COX7B2: variants seen among roughly 807,000 people sequenced by gnomAD.
COX7B2 encodes the protein cytochrome c oxidase subunit 7B2, also known as cytochrome c oxidase subunit 7B2, mitochondrial.
For missense variants in COX7B2, 109 were observed against 95.9 expected (o/e 1.14, Z -0.57); for synonymous variants, 37 against 32.1 (o/e 1.15, Z -0.51).
intron 2 of COX7B2, among the ~76,000 whole-genome samples, chr4:46,796,103 G>GCTATAA (rs1718322321): frequency 9.7e-6 from 1 of 102,906 alleles, no homozygotes; most frequent in African/African-American, 4.3e-5. Context: ...ATTTTGGGCT[G>GCTATAA]AGACGATGGG....
chr4:46,777,650 T>C (rs1717230968), intron 2 of COX7B2, among the ~76,000 whole-genome samples: 1 of 152,118 alleles, frequency 6.6e-6, no homozygotes, highest in African/African-American at 2.4e-5. Context: ...AGGTATGTAG[T>C]TATGAAGGCT....
intron 2 of COX7B2, among the ~76,000 whole-genome samples, chr4:46,840,795 G>T (rs888705609): frequency 6.6e-6 from 1 of 152,020 alleles, no homozygotes; most frequent in Non-Finnish European, 1.5e-5. Context: ...AAGGCCTTTA[G>T]TGGCCCACTG....
intron 2 of COX7B2, among the ~76,000 whole-genome samples, chr4:46,816,619 T>C (rs1719567085): frequency 1.3e-5 from 2 of 152,222 alleles, no homozygotes; most frequent in South Asian, 4.1e-4. Context: ...GGACCTCAAA[T>C]GAATGCTGAA....
intron 1 of COX7B2, among the ~76,000 whole-genome samples, chr4:46,902,061 A>G (rs1577717490): frequency 6.6e-6 from 1 of 152,152 alleles, no homozygotes; most frequent in African/African-American, 2.4e-5. Context: ...ATATCCTATT[A>G]GCTTTGTTTC....
intron 1 of COX7B2, among the ~76,000 whole-genome samples, chr4:46,877,074 G>T (rs1718388234): frequency 6.6e-6 from 1 of 152,168 alleles, no homozygotes; most frequent in Non-Finnish European, 1.5e-5. Flanking sequence ...TTCAGTTCTA[G>T]TATGACAGAT....
At chr4:46,797,886 C>T (rs1465295877) in intron 2 of COX7B2, among the ~76,000 whole-genome samples, 2 of 152,096 alleles carry the variant, frequency 1.3e-5, no homozygotes, top group African/African-American at 2.4e-5. Context: ...TTCTCAATAT[C>T]CATTAGTAAA....
At chr4:46,788,218 A>G (rs1717853099) in intron 2 of COX7B2, among the ~76,000 whole-genome samples, 1 of 152,226 alleles carries the variant, frequency 6.6e-6, no homozygotes, top group African/African-American at 2.4e-5. Flanking sequence ...GGTCATTTAT[A>G]TTCAGTCCCA....
At chr4:46,803,594 A>C (rs543377764) in intron 2 of COX7B2, among the ~76,000 whole-genome samples, 1 of 152,044 alleles carries the variant, frequency 6.6e-6, no homozygotes, top group African/African-American at 2.4e-5. Context: ...TTTCCCTCCA[A>C]AAGTGTTTAG....
chr4:46,859,428 G>A (rs1342780436), intron 1 of COX7B2, among the ~76,000 whole-genome samples: 2 of 152,150 alleles, frequency 1.3e-5, no homozygotes, highest in Non-Finnish European at 2.9e-5. Flanking sequence ...TGATCTTGAT[G>A]AAGGAGCTTT....
intron 2 of COX7B2, among the ~76,000 whole-genome samples, chr4:46,787,294 A>T (rs1717799623): frequency 6.6e-6 from 1 of 152,072 alleles, no homozygotes; most frequent in Non-Finnish European, 1.5e-5. Flanking sequence ...CTAAAAATAC[A>T]AAGTTAGCCA....
chr4:46,902,815 T>G (rs1327335226), intron 1 of COX7B2, among the ~76,000 whole-genome samples: 1 of 152,122 alleles, frequency 6.6e-6, no homozygotes, highest in Non-Finnish European at 1.5e-5. Context: ...AGGCAGAGGT[T>G]GCAGTGAGCC....
rs60478912 is a variant in COX7B2, at chr4:46,748,175, G to C, written c.-49-12934C>G. On this transcript the variant is annotated intron_variant, in intron 2 of 2. Transcript: ENST00000355591. Reference sequence around the variant, plus strand: ...CTTCATAAGCACATGCTTCATCCAGGACCAGACTTAAGGTAGATTTATGAA... The same window carrying C: ...CTTCATAAGCACATGCTTCATCCAGCACCAGACTTAAGGTAGATTTATGAA... Among the ~76,000 whole-genome samples the C allele has an allele frequency of 6.6e-3, 1,002 of 152,180 alleles. 12 individuals are homozygous for C. The highest frequency in any genetic ancestry group is 0.023 in the African/African-American group (959 of 41,518).
At chr4:46,869,454 C>T (rs1717860628) in intron 1 of COX7B2, among the ~76,000 whole-genome samples, 1 of 152,034 alleles carries the variant, frequency 6.6e-6, no homozygotes, top group Admixed American at 6.6e-5. Flanking sequence ...TGGGTGGTTG[C>T]TTTATAGTGA....
At chr4:46,853,812 AC>A (rs1227777639) in intron 1 of COX7B2, among the ~76,000 whole-genome samples, 1 of 152,084 alleles carries the variant, frequency 6.6e-6, no homozygotes, top group Non-Finnish European at 1.5e-5. Context: ...CTATCTTTTC[AC>A]TCAACTGATT....
At chr4:46,871,848 A>C (rs1331165770) in intron 1 of COX7B2, among the ~76,000 whole-genome samples, 2 of 152,172 alleles carry the variant, frequency 1.3e-5, no homozygotes, top group Non-Finnish European at 2.9e-5. Flanking sequence ...TGAGGAGAAA[A>C]GGGAACACTT....
intron 1 of COX7B2, among the ~76,000 whole-genome samples, chr4:46,847,046 C>T (rs994354058): frequency 6.6e-6 from 1 of 151,754 alleles, no homozygotes; most frequent in East Asian, 1.9e-4. Context: ...AGTTTGAGGA[C>T]GATCAAATTT....
chr4:46,781,411 C>T (rs180946673), intron 2 of COX7B2, among the ~76,000 whole-genome samples: 1 of 152,334 alleles, frequency 6.6e-6, no homozygotes, highest in Non-Finnish European at 1.5e-5. Context: ...TCATCTGATA[C>T]ACCTTCCTCA....
At chr4:46,758,726 T>C (rs1364494747) in intron 2 of COX7B2, among the ~76,000 whole-genome samples, 4 of 152,146 alleles carry the variant, frequency 2.6e-5, no homozygotes, top group Non-Finnish European at 5.9e-5. Context: ...CATAGGAGCG[T>C]AGCCAGCATT....
chr4:46,800,909 T>A (rs1340721061), intron 2 of COX7B2, among the ~76,000 whole-genome samples: 1 of 151,638 alleles, frequency 6.6e-6, no homozygotes, highest in Non-Finnish European at 1.5e-5. Flanking sequence ...CTTAAACAAC[T>A]CAACAAGCAA....
Sources: gnomAD v4.1 joint callset for allele counts (sites outside exome capture counted in the v4.1 genomes callset) on GRCh38, gnomAD v4.1.1 for gene constraint, MANE v1.5 for transcripts, NCBI Gene and HGNC (gene_info 2026-07-23, HGNC 2026-07-21) for gene names.